SDK2: variants seen among roughly 807,000 people sequenced by gnomAD.
SDK2 encodes sidekick cell adhesion molecule 2, also known as protein sidekick-2.
In SDK2, 105 loss-of-function variants were observed where a neutral mutation model predicts 253.9. That is an observed-to-expected ratio of 0.41 (90% confidence interval 0.35 to 0.49). The LOEUF is 0.49. Ranked by LOEUF, SDK2 falls within the 20% of genes least tolerant of loss-of-function variation. SDK2 has a pLI of 0.06. For synonymous variants in SDK2, 1,249 were observed against 1,234.9 expected (o/e 1.01, Z -0.24); for missense variants, 2,608 against 3,003.0 (o/e 0.87, Z 3.07).
chr17:73,557,635 C>T (rs529181027), intron 1 of SDK2, among the ~76,000 whole-genome samples: 137 of 152,192 alleles, frequency 9.0e-4, no homozygotes, highest in Middle Eastern at 3.4e-3. Context: ...CTTTCTTCTT[C>T]CCATCCTCCT....
At chr17:73,372,373 T>A (rs1471451288) in intron 36 of SDK2, among the ~76,000 whole-genome samples, 1 of 152,208 alleles carries the variant, frequency 6.6e-6, no homozygotes, top group Non-Finnish European at 1.5e-5. Context: ...TCTCGGTCCA[T>A]GTGGCCCCCT....
intron 1 of SDK2, among the ~76,000 whole-genome samples, chr17:73,583,521 C>T (rs899787980): frequency 6.6e-6 from 1 of 152,164 alleles, no homozygotes; most frequent in Non-Finnish European, 1.5e-5. Context: ...TCTCAACAAC[C>T]GCCTCTCACC....
At chr17:73,430,150 AG>A (rs2063314823) in intron 12 of SDK2, among the ~76,000 whole-genome samples, 1 of 152,200 alleles carries the variant, frequency 6.6e-6, no homozygotes, top group African/African-American at 2.4e-5. Context: ...GGACACTAGC[AG>A]TGGCGTCCAG....
At chr17:73,551,179 C>T (rs1023815220) in intron 1 of SDK2, among the ~76,000 whole-genome samples, 2 of 152,316 alleles carry the variant, frequency 1.3e-5, no homozygotes, top group East Asian at 3.9e-4. Flanking sequence ...GGGGACTCCA[C>T]GCGCACCTTG....
chr17:73,577,362 T>C (rs142299171), intron 1 of SDK2, among the ~76,000 whole-genome samples: 1,595 of 152,290 alleles, frequency 0.01, 16 homozygotes, highest in Middle Eastern at 0.031. Context: ...AACAAACATA[T>C]ACTAAGCATC....
chr17:73,566,111 G>T (rs1413925617), intron 1 of SDK2, among the ~76,000 whole-genome samples: 1 of 152,160 alleles, frequency 6.6e-6, no homozygotes, highest in Non-Finnish European at 1.5e-5. Flanking sequence ...GTGAGGCACT[G>T]CCCCCAGCCA....
rs138180807 is a variant in SDK2 at position 73,437,163 on chromosome 17, C to T, written c.1000+576G>A. On this transcript the variant is annotated intron_variant, in intron 8 of 44. Transcript: ENST00000392650. Reference sequence around the variant, plus strand: ...AGACACATTTTGCCCCTTTGCTCAGCGTGTCCCACTGTGCACGCTCTTCTC... The same window carrying T: ...AGACACATTTTGCCCCTTTGCTCAGTGTGTCCCACTGTGCACGCTCTTCTC... Among the ~76,000 whole-genome samples the T allele has an allele frequency of 7.0e-3, 1,067 of 152,278 alleles. 13 individuals are homozygous for T. Among genetic ancestry groups the T allele is most frequent in the Middle Eastern group, 0.065 (19 of 294 alleles).
intron 1 of SDK2, among the ~76,000 whole-genome samples, chr17:73,635,110 C>G (rs2046314137): frequency 1.3e-5 from 2 of 152,004 alleles, no homozygotes; most frequent in South Asian, 4.2e-4. Flanking sequence ...CTCAGCCTCT[C>G]GAGTAGCTGG....
chr17:73,493,044 G>T (rs1271117423), intron 2 of SDK2, among the ~76,000 whole-genome samples: 2 of 152,218 alleles, frequency 1.3e-5, no homozygotes, highest in East Asian at 3.9e-4. Flanking sequence ...CAGCCCAGCT[G>T]TGTGCGGAAA....
intron 1 of SDK2, among the ~76,000 whole-genome samples, chr17:73,573,727 T>C (rs2045419454): frequency 6.6e-6 from 1 of 152,162 alleles, no homozygotes; most frequent in Admixed American, 6.5e-5. Flanking sequence ...AGGGATTGAT[T>C]TAATGCATAA....
rs569285095 is a variant in SDK2, at chr17:73,344,009, T to C, written c.6165+4590A>G. ...GCCGGCAGCGCATCTGTGCGGGGTG[T>C]TCCGCCTGTCCCCTGGATGCCTCTA... On this transcript the variant is annotated intron_variant, in intron 44 of 44. Coordinates refer to ENST00000392650, the MANE Select transcript of SDK2 (RefSeq NM_001144952.2). Among the ~76,000 whole-genome samples the C allele has an allele frequency of 2.6e-5, 4 of 152,260 alleles. No individual in the cohort carries two copies. The South Asian group carries it at 8.3e-4, about 32-fold the overall frequency.
intron 12 of SDK2, among the ~76,000 whole-genome samples, chr17:73,426,221 T>C: frequency 8.1e-6 from 1 of 124,074 alleles, no homozygotes; most frequent in African/African-American, 2.9e-5. Flanking sequence ...TTTTTTTTTT[T>C]TTTTTTTTTT....
At position 73,570,458 on chromosome 17, in the gene SDK2, T is replaced by G. The variant is rs1257270843; in HGVS notation, c.65-62861A>C. ...GTGAGCAGTTGGTGCCGCTTTGCCATTTGCCACTAGATTAGCCCAAAAATC... is the reference window on the plus strand; with the variant it reads ...GTGAGCAGTTGGTGCCGCTTTGCCAGTTGCCACTAGATTAGCCCAAAAATC... On this transcript the variant is annotated intron_variant, in intron 1 of 44. Transcript: ENST00000392650. The surrounding 1 kb of genome is among the most constrained non-coding windows in gnomAD (Gnocchi z 4.2). Among the ~76,000 whole-genome samples the G allele has an allele frequency of 6.6e-6, 1 of 152,032 alleles. No individual in the cohort carries two copies. Among genetic ancestry groups the G allele is most frequent in the Non-Finnish European group, 1.5e-5 (1 of 68,004 alleles).
chr17:73,520,035 A>T (rs1294173191), intron 1 of SDK2: 1 of 152,182 alleles, frequency 6.6e-6, no homozygotes, highest in Non-Finnish European at 1.5e-5. Flanking sequence ...TAATAACACC[A>T]CGCGGCTCTA....
At chr17:73,595,333 G>A (rs1009761244) in intron 1 of SDK2, among the ~76,000 whole-genome samples, 3 of 152,146 alleles carry the variant, frequency 2.0e-5, no homozygotes, top group Admixed American at 6.5e-5. Context: ...AATGAATGCC[G>A]TTTGTGGTGA....
chr17:73,626,438 T>A (rs2143227372), intron 1 of SDK2, among the ~76,000 whole-genome samples: 1 of 152,180 alleles, frequency 6.6e-6, no homozygotes, highest in East Asian at 1.9e-4. Context: ...CTGGGGAATT[T>A]AAGCCAAGTC....
At chr17:73,555,989 G>C (rs1295072113) in intron 1 of SDK2, among the ~76,000 whole-genome samples, 1 of 152,170 alleles carries the variant, frequency 6.6e-6, no homozygotes, top group Non-Finnish European at 1.5e-5. Flanking sequence ...GCACAGATGG[G>C]CTTGAGCTTC....
At chr17:73,445,446 G>A (rs1465524768) in intron 5 of SDK2, among the ~76,000 whole-genome samples, 2 of 152,172 alleles carry the variant, frequency 1.3e-5, no homozygotes, top group Admixed American at 6.5e-5. Context: ...GTGACAGTCC[G>A]AATGAGGTCA....
Position 73,433,786 on chromosome 17 carries a change from C to T in SDK2, c.1258G>A (p.Val420Met), listed in dbSNP as rs1310901743. Residue 420 changes from valine to methionine, a missense_variant, in exon 10 of 45, where the codon GTG (valine) becomes ATG (methionine). Physicochemically the swap from Val to Met is conservative, Grantham distance 21. Around this residue, in one of 2 missense-constraint regions of SDK2, gnomAD observed 1,505 missense variants for 1,859.1 expected, o/e 0.81. Transcript: ENST00000392650. ...DSTVIDGMSV[V>M]LACETSGAPR... ...GCCCCCGAGGTCTCACATGCTAGCACCACTGACATGCCATCGATCACCGTG... is the reference window on the plus strand; with the variant it reads ...GCCCCCGAGGTCTCACATGCTAGCATCACTGACATGCCATCGATCACCGTG... The T allele has an allele frequency of 3.7e-6, 6 of 1,607,318 alleles. No individual in the cohort carries two copies. The South Asian group carries it at 6.7e-5, about 18-fold the overall frequency.
Sources: gnomAD v4.1 joint callset for allele counts (sites outside exome capture counted in the v4.1 genomes callset) on GRCh38, gnomAD v4.1.1 for gene constraint, gnomAD v4.1.1 regional missense constraint, Gnocchi (gnomAD v3.1) non-coding constraint, MANE v1.5 for transcripts, NCBI Gene and HGNC (gene_info 2026-07-23, HGNC 2026-07-21) for gene names.